CFAP47: variants seen among roughly 807,000 people sequenced by gnomAD.
CFAP47 encodes the protein cilia- and flagella-associated protein 47.
A neutral mutation model predicts 148.1 loss-of-function variants in CFAP47; 29 were observed. That is an observed-to-expected ratio of 0.20 (90% CI 0.15 to 0.27). The LOEUF is 0.27. CFAP47 is among the 10% of genes least tolerant of loss of function. The probability of loss-of-function intolerance (pLI) is 1.00; values close to 1 mark genes in which losing one functional copy is unlikely to be tolerated. For missense variants in CFAP47, 1,872 were observed against 1,697.5 expected (o/e 1.10, Z -1.81); for synonymous variants, 664 against 577.3 (o/e 1.15, Z -2.15).
At chrX:36,246,211 G>A (rs1174519168) in intron 48 of CFAP47, among the ~76,000 whole-genome samples, 7 of 111,523 alleles carry the variant, frequency 6.3e-5, no homozygotes, top group Non-Finnish European at 1.1e-4. Context: ...ACTTAAATCA[G>A]CAAGCTTAAA....
At chrX:36,337,694 G>A (rs1421524504) in intron 57 of CFAP47, among the ~76,000 whole-genome samples, 1 of 110,396 alleles carries the variant, frequency 9.1e-6, no homozygotes, top group South Asian at 3.9e-4. Flanking sequence ...CATATTAATA[G>A]ATTAGCTTAA....
intron 57 of CFAP47, among the ~76,000 whole-genome samples, chrX:36,345,219 T>C (rs1941687241): frequency 9.0e-6 from 1 of 111,636 alleles, no homozygotes; most frequent in African/African-American, 3.3e-5. Context: ...ATAGAATTCA[T>C]AAAAACAAAG....
At position 35,949,418 on chromosome X, in the gene CFAP47, A is replaced by T. The variant is rs73468906; in HGVS notation, c.656+966A>T. 4.8e-3 allele frequency among the ~76,000 whole-genome samples: 533 copies of T among 111,415 alleles called. 3 individuals carry two copies. Among genetic ancestry groups the T allele is most frequent in the African/African-American group, 0.016 (504 of 30,679 alleles). On this transcript the variant is annotated intron_variant, in intron 4 of 63. Transcript: ENST00000378653. ...GAATCTTGACTAGAAATTACAGTAA[A>T]GCAAGAGGAAAATGATAAAGGTCTG...
At chrX:36,118,001 T>C (rs1938670827) in intron 33 of CFAP47, among the ~76,000 whole-genome samples, 1 of 111,966 alleles carries the variant, frequency 8.9e-6, no homozygotes, top group Non-Finnish European at 1.9e-5. Flanking sequence ...AGAGACTCTC[T>C]TTTCCCCAGT....
intron 49 of CFAP47, among the ~76,000 whole-genome samples, chrX:36,273,344 G>C (rs190329841): frequency 9.0e-6 from 1 of 111,357 alleles, no homozygotes; most frequent in African/African-American, 3.3e-5. Context: ...AAACAAGTCT[G>C]TTTTTCAAAA....
intron 57 of CFAP47, among the ~76,000 whole-genome samples, chrX:36,328,265 G>T (rs1941533915): frequency 9.0e-6 from 1 of 111,332 alleles, no homozygotes; most frequent in South Asian, 3.7e-4. Context: ...ACACATGCAA[G>T]ATCTTTATAC....
intron 26 of CFAP47, among the ~76,000 whole-genome samples, chrX:36,050,046 C>T (rs1429365266): frequency 1.8e-5 from 2 of 111,766 alleles, no homozygotes; most frequent in South Asian, 3.8e-4. Context: ...GCCATGATTG[C>T]GAGGCCTCCC....
intron 50 of CFAP47, among the ~76,000 whole-genome samples, 194 bp downstream of exon 50, chrX:36,280,824 T>C (rs1941071097): frequency 8.9e-6 from 1 of 112,164 alleles, no homozygotes; most frequent in Non-Finnish European, 1.9e-5. Context: ...TTAATGTCAA[T>C]AGTATCAAAA....
rs1258904200 is a variant in CFAP47, at chrX:36,353,703, A to G, written c.8851+22A>G. Reference sequence around the variant, plus strand: ...AATGGTAAGAGAACTACGGTTATAGAAAAAATAAAATGAAAAAAGAAACTT... The same window carrying G: ...AATGGTAAGAGAACTACGGTTATAGGAAAAATAAAATGAAAAAAGAAACTT... On this transcript the variant is annotated intron_variant, in intron 60 of 63. Transcript: ENST00000378653. 7 of 1,090,363 alleles carry G rather than the reference A, an allele frequency of 6.4e-6. No individual in the cohort carries two copies. In the African/African-American group the frequency reaches 9.4e-5, roughly 15 times the overall value. The allele number at this position is 1,090,363 out of a possible 1,213,427, so 89.9% of individuals were successfully genotyped here.
At chrX:35,922,119 A>T (rs1052766520) in intron 1 of CFAP47, among the ~76,000 whole-genome samples, 49 of 110,176 alleles carry the variant, frequency 4.4e-4, no homozygotes, top group Non-Finnish European at 5.9e-4. Flanking sequence ...GACCAGCCTT[A>T]CTCATACCTG....
At chrX:36,215,511 C>G (rs1487848098) in intron 45 of CFAP47, among the ~76,000 whole-genome samples, 2 of 109,570 alleles carry the variant, frequency 1.8e-5, no homozygotes, top group African/African-American at 6.7e-5. Context: ...CACCCCCAAG[C>G]AGAGGAACCT....
intron 51 of CFAP47, among the ~76,000 whole-genome samples, chrX:36,287,535 C>T (rs1407215121): frequency 9.0e-6 from 1 of 111,349 alleles, no homozygotes. Flanking sequence ...ATCGAGTCCC[C>T]TTTTCATTGA....
In CFAP47 at chrX:36,229,929, A is replaced by T. The variant is rs1367292238; in HGVS notation, c.7014+1105A>T. 2.9e-5 allele frequency among the ~76,000 whole-genome samples: 3 copies of T among 103,499 alleles called. No individual in the cohort carries two copies. In the Admixed American group the frequency reaches 3.2e-4, roughly 11 times the overall value. The allele number at this position is 103,499 out of a possible 115,157, so 89.9% of individuals were successfully genotyped here. On this transcript the variant is annotated intron_variant, in intron 46 of 63. Transcript: ENST00000378653. ...TCCAATTTCATCCATGTCCCTACAA[A>T]GGACATGAACTCATCATTTTTTATG...
At chrX:36,285,354 G>A (rs977067304) in intron 50 of CFAP47, among the ~76,000 whole-genome samples, 2 of 111,569 alleles carry the variant, frequency 1.8e-5, no homozygotes, top group African/African-American at 3.2e-5. Context: ...AAAACATTCC[G>A]AAATTCATTT....
chrX:36,324,853 A>G (rs1357334007), intron 57 of CFAP47, among the ~76,000 whole-genome samples: 9 of 111,787 alleles, frequency 8.1e-5, no homozygotes, highest in African/African-American at 2.9e-4. Flanking sequence ...ATTCCTAAAC[A>G]AATGGTTTTA....
chrX:36,363,452 C>T (rs1280907125), intron 61 of CFAP47, among the ~76,000 whole-genome samples: 1 of 111,279 alleles, frequency 9.0e-6, no homozygotes, highest in Non-Finnish European at 1.9e-5. Context: ...AGAAAAGGTA[C>T]AGTAAACATA....
chrX:36,232,148 C>A (rs1246781527), intron 46 of CFAP47, among the ~76,000 whole-genome samples: 1 of 111,240 alleles, frequency 9.0e-6, no homozygotes, highest in Non-Finnish European at 1.9e-5. Context: ...AGGGAGGATT[C>A]CCTCTTTTTC....
intron 22 of CFAP47, among the ~76,000 whole-genome samples, chrX:36,022,363 A>G (rs1169354348): frequency 4.5e-5 from 5 of 110,971 alleles, no homozygotes; most frequent in Admixed American, 2.9e-4. Flanking sequence ...TGGAGCTCCT[A>G]TGTATCTTAT....
chrX:36,189,221 G>A (rs935648752), intron 41 of CFAP47, among the ~76,000 whole-genome samples: 36 of 110,912 alleles, frequency 3.2e-4, no homozygotes, highest in African/African-American at 1.1e-3. Flanking sequence ...ATACATCTGG[G>A]GTGACTGGGC....
Sources: gnomAD v4.1 joint callset for allele counts (sites outside exome capture counted in the v4.1 genomes callset) on GRCh38, gnomAD v4.1.1 for gene constraint, MANE v1.5 for transcripts, NCBI Gene and HGNC (gene_info 2026-07-23, HGNC 2026-07-21) for gene names.